CLN5: variants seen among roughly 807,000 people sequenced by gnomAD.
The protein encoded by CLN5 is bis(monoacylglycero)phosphate synthase CLN5.
Under a neutral mutation model 36.7 loss-of-function variants are expected in CLN5, and 34 were observed. That is an observed-to-expected ratio of 0.93 (90% CI 0.71 to 1.23). The LOEUF is 1.23. CLN5 is among the 50% of genes most tolerant of loss of function. The pLI is 0.00. For synonymous variants in CLN5, 151 were observed against 155.1 expected, an observed-to-expected ratio of 0.97 and a Z score of 0.20; for missense variants, 427 against 439.4, an observed-to-expected ratio of 0.97 and a Z score of 0.25.
intron 3 of CLN5, 193 bp downstream of exon 3, chr13:76,996,320 G>A: frequency 1.7e-6 from 1 of 573,288 alleles, no homozygotes; most frequent in East Asian, 3.0e-5. Context: ...TATTTGAATA[G>A]GTTTGTGGGG....
rs546110636 is a variant in CLN5 at position 76,992,787 on chromosome 13, C to T, written c.173+516C>T. The T allele has an allele frequency of 1.8e-4, 28 of 158,696 alleles. 1 individual carries two copies. The highest frequency in any genetic ancestry group is 1.6e-3 in the Admixed American group (26 of 15,918). The allele number at this position is 158,696 out of a possible 1,614,324, so 9.8% of individuals were successfully genotyped here. A position where few individuals can be genotyped will look rare whatever the true frequency, so the allele number is the denominator to read the frequency against. Reference sequence around the variant, plus strand: ...AAAAGTCGCGCATCCCGGGAATCCCCGTCTCCTGCAGTCCTGGTTAGACCG... The same window carrying T: ...AAAAGTCGCGCATCCCGGGAATCCCTGTCTCCTGCAGTCCTGGTTAGACCG... On this transcript the variant is annotated intron_variant, in intron 1 of 3. Coordinates refer to ENST00000377453, the MANE Select transcript of CLN5 (RefSeq NM_006493.4).
chr13:77,000,698 TG>T lies in CLN5; in HGVS notation c.809del (p.Gly270GlufsTer17). On this transcript the variant is annotated frameshift_variant, in exon 4 of 4. Transcript: ENST00000377453. LOFTEE classifies it high-confidence loss of function. ...IFLYSGEPTYLGNETSVFGPT... is the reference protein window; with the variant it reads ...IFLYSGEPTYXGNETSVFGPT... ...CTTTACAGTGGAGAACCTACTTATC[TG>T]GGAAATGAAACATCTGTTTTTGGGC... The T allele has an allele frequency of 6.2e-7, 1 of 1,613,940 alleles. No homozygotes were observed. Among genetic ancestry groups the T allele is most frequent in the Non-Finnish European group, 8.5e-7 (1 of 1,179,824 alleles).
At chr13:76,996,813 AC>A (rs1412672246) in intron 3 of CLN5, 1 of 152,354 alleles carries the variant, frequency 6.6e-6, no homozygotes, top group African/African-American at 2.4e-5. Flanking sequence ...TTGGGTAGAT[AC>A]CCAGTACTGG....
rs1481261656 is a variant in CLN5 at position 77,001,098 on chromosome 13, T to C, written c.*129T>C. 1.7e-5 allele frequency: 13 copies of C among 769,392 alleles called. No individual in the cohort carries two copies. The highest frequency in any genetic ancestry group is 2.1e-5 in the Non-Finnish European group (10 of 478,126). The allele number at this position is 769,392 out of a possible 1,614,324, so 47.7% of individuals were successfully genotyped here. A position where few individuals can be genotyped will look rare whatever the true frequency, so the allele number is the denominator to read the frequency against. ...AAAGTTAAAATGCACATCAGCAGAA[T>C]TGCTGCATATTAACATCTCAGGACT... On this transcript the variant is annotated 3_prime_UTR_variant, in exon 4 of 4. Transcript: ENST00000377453.
rs1409013015 is a variant in CLN5 at position 77,000,818 on chromosome 13, T to C, written c.926T>C (p.Leu309Ser). The change falls in exon 4 of 4, where the codon TTG becomes TCG. Residue 309 changes from leucine to serine, a missense_variant. Leu to Ser is a moderately radical substitution (Grantham distance 145, BLOSUM62 -2). Transcript: ENST00000377453. ...LPTKEFLLSL[L>S]QIFDAVIVHK... is the part of the protein sequence containing the mutation. ...ACTAAAGAATTTCTGTTGAGTCTCT[T>C]GCAAATTTTTGATGCAGTGATTGTG... The C allele has an allele frequency of 3.1e-6, 5 of 1,609,708 alleles. No homozygotes were observed. The highest frequency in any genetic ancestry group is 4.2e-6 in the Non-Finnish European group (5 of 1,178,422).
chr13:76,992,444 G>C, intron 1 of CLN5, 173 bp downstream of exon 1: 1 of 723,132 alleles, frequency 1.4e-6, no homozygotes, highest in Non-Finnish European at 2.2e-6. Context: ...GAGGACTGGG[G>C]AGTCGCAGCC....
Position 76,995,237 on chromosome 13 carries a change from G to A in CLN5, c.339+9G>A, listed in dbSNP as rs1235621060. 1.2e-6 allele frequency: 2 copies of A among 1,613,214 alleles called. No individual in the cohort carries two copies. The highest frequency in any genetic ancestry group is 1.1e-5 in the South Asian group (1 of 91,050). ...ACCTCCTGGGACACTTGGTAAGGATGCATCTTGGTCTTATAACTTTGGTTA... is the reference window on the plus strand; with the variant it reads ...ACCTCCTGGGACACTTGGTAAGGATACATCTTGGTCTTATAACTTTGGTTA... On this transcript the variant is annotated intron_variant, in intron 2 of 3. Coordinates refer to ENST00000377453, the MANE Select transcript of CLN5 (RefSeq NM_006493.4).
In CLN5 at chr13:76,995,247, C is replaced by A; in HGVS notation, c.339+19C>A. 6.2e-7 allele frequency: 1 copy of A among 1,611,406 alleles called. No homozygotes were observed. The highest frequency in any genetic ancestry group is 1.1e-5 in the South Asian group (1 of 90,986). On this transcript the variant is annotated intron_variant, in intron 2 of 3. Transcript: ENST00000377453. ...ACACTTGGTAAGGATGCATCTTGGTCTTATAACTTTGGTTAATTCAATGAT... is the reference window on the plus strand; with the variant it reads ...ACACTTGGTAAGGATGCATCTTGGTATTATAACTTTGGTTAATTCAATGAT...
rs2034373895 is a variant in CLN5 at position 77,002,117 on chromosome 13, A to G, written c.*1148A>G. The G allele has an allele frequency of 6.6e-6, 1 of 152,234 alleles. No homozygotes were observed. The highest frequency in any genetic ancestry group is 1.5e-5 in the Non-Finnish European group (1 of 68,048). The allele number at this position is 152,234 out of a possible 1,614,324, so 9.4% of individuals were successfully genotyped here. A position where few individuals can be genotyped will look rare whatever the true frequency, so the allele number is the denominator to read the frequency against. ...ATATCAGATAAAACAATTCACGTTT[A>G]ATATGTAAATGTACCAATTATGTGA... On this transcript the variant is annotated 3_prime_UTR_variant, in exon 4 of 4. Transcript: ENST00000377453.
chr13:76,999,606 T>A (rs2034324706), intron 3 of CLN5: 1 of 152,226 alleles, frequency 6.6e-6, no homozygotes, highest in Non-Finnish European at 1.5e-5. Flanking sequence ...ATAACAGTAA[T>A]AGCCAGCCTT....
intron 3 of CLN5, chr13:76,996,467 C>T (rs1254583144): frequency 2.6e-5 from 7 of 272,104 alleles, no homozygotes; most frequent in Middle Eastern, 1.4e-3. Context: ...CCCTTTTCCC[C>T]GACTTCCCAA....
chr13:77,001,093 CAG>C lies in CLN5; in HGVS notation c.*126_*127del. 1.2e-6 allele frequency: 1 copy of C among 815,060 alleles called. No homozygotes were observed. Among genetic ancestry groups the C allele is most frequent in the Non-Finnish European group, 1.9e-6 (1 of 514,228 alleles). 50.5% of individuals were successfully genotyped at this position (815,060 alleles called of 1,614,324 possible). A position where few individuals can be genotyped will look rare whatever the true frequency, so the allele number is the denominator to read the frequency against. ...TGCATAAAGTTAAAATGCACATCAG[CAG>C]AATTGCTGCATATTAACATCTCAGG... On this transcript the variant is annotated 3_prime_UTR_variant, in exon 4 of 4. Coordinates refer to ENST00000377453, the MANE Select transcript of CLN5 (RefSeq NM_006493.4).
chr13:77,000,667 A>G lies in CLN5; in HGVS notation c.775A>G (p.Ile259Val), dbSNP rs794727641. The G allele has an allele frequency of 6.2e-7, 1 of 1,614,122 alleles. No individual in the cohort carries two copies. Among genetic ancestry groups the G allele is most frequent in the Non-Finnish European group, 8.5e-7 (1 of 1,179,990 alleles). The change falls in exon 4 of 4, where the codon ATA becomes GTA. Residue 259 changes from isoleucine (I) to valine (V), a missense_variant. Coordinates refer to ENST00000377453, the MANE Select transcript of CLN5 (RefSeq NM_006493.4). ...FKNIETNYTR[I>V]FLYSGEPTYL... ...GAACATAGAAACCAACTATACAAGA[A>G]TATTTCTTTACAGTGGAGAACCTAC...
At chr13:76,997,973 T>C (rs1295011794) in intron 3 of CLN5, 3 of 152,270 alleles carry the variant, frequency 2.0e-5, no homozygotes, top group Non-Finnish European at 4.4e-5. Context: ...TTCTGAGTAC[T>C]GTACATACAT....
chr13:76,995,048 CT>C lies in CLN5; in HGVS notation c.174-10del. 1 of 1,612,148 alleles carries C rather than the reference CT, an allele frequency of 6.2e-7. No individual in the cohort carries two copies. Among genetic ancestry groups the C allele is most frequent in the Non-Finnish European group, 8.5e-7 (1 of 1,179,238 alleles). On this transcript the variant is annotated splice_polypyrimidine_tract_variant and intron_variant, in intron 1 of 3. Transcript: ENST00000377453. Reference sequence around the variant, plus strand: ...ATTTTAGAATCTAAGTAGATGGTTTCTTTTTCTTTATTAGGCGCTTTGACTT... The same window carrying C: ...ATTTTAGAATCTAAGTAGATGGTTTCTTTTCTTTATTAGGCGCTTTGACTT...
intron 1 of CLN5, chr13:76,993,522 G>A (rs2034214905): frequency 6.6e-6 from 1 of 152,128 alleles, no homozygotes; most frequent in Non-Finnish European, 1.5e-5. Context: ...TTAGGGCAAG[G>A]TGTTGACTAT....
rs574721188 is a variant in CLN5 at position 77,001,327 on chromosome 13, A to T, written c.*358A>T. On this transcript the variant is annotated 3_prime_UTR_variant, in exon 4 of 4. Coordinates refer to ENST00000377453, the MANE Select transcript of CLN5 (RefSeq NM_006493.4). ...ACCTTCAAAAATAAAAAATACATTC[A>T]GTGACATTTTCATGGTGGGAGCTCT... 1 of 165,634 alleles carries T rather than the reference A, an allele frequency of 6.0e-6. No individual in the cohort carries two copies. Among genetic ancestry groups the T allele is most frequent in the Non-Finnish European group, 1.3e-5 (1 of 77,242 alleles). The allele number at this position is 165,634 out of a possible 1,614,324, so 10.3% of individuals were successfully genotyped here.
In CLN5 at chr13:76,995,094, TATTGTCA is replaced by T. The variant is rs2034242246; in HGVS notation, c.207_213del (p.Tyr69Ter). ...TGACTTCCGTCCAAAACCTGATCCT[TATTGTCA>T]AGCTAAGTATACTTTCTGTCCAACT... On this transcript the variant is annotated frameshift_variant, in exon 2 of 4. Coordinates refer to ENST00000377453, the MANE Select transcript of CLN5 (RefSeq NM_006493.4). LOFTEE classifies it high-confidence loss of function. The T allele has an allele frequency of 6.2e-7, 1 of 1,614,008 alleles. No homozygotes were observed. The highest frequency in any genetic ancestry group is 8.5e-7 in the Non-Finnish European group (1 of 1,180,016).
rs1242337070 is a variant in CLN5, at chr13:76,992,181, G to T, written c.83G>T (p.Trp28Leu). The change falls in exon 1 of 4, where the codon TGG becomes TTG. Residue 28 changes from tryptophan (W) to leucine (L), a missense_variant. Physicochemically the swap from Trp to Leu is moderately conservative, Grantham distance 61. Coordinates refer to ENST00000377453, the MANE Select transcript of CLN5 (RefSeq NM_006493.4). Reference sequence around the variant, plus strand: ...GCTCGGGGACGCGCTTCCTGGTGCTGGGCCCTGGCGCTGCTTTGGCTCGCG... The same window carrying T: ...GCTCGGGGACGCGCTTCCTGGTGCTTGGCCCTGGCGCTGCTTTGGCTCGCG... ...GAARGRASWC[W>L]ALALLWLAVV... The T allele has an allele frequency of 6.2e-7, 1 of 1,605,676 alleles. No homozygotes were observed. The highest frequency in any genetic ancestry group is 8.5e-7 in the Non-Finnish European group (1 of 1,178,114).
Sources: gnomAD v4.1 joint callset for allele counts on GRCh38, gnomAD v4.1.1 for gene constraint, MANE v1.5 for transcripts, NCBI Gene and HGNC (gene_info 2026-07-23, HGNC 2026-07-21) for gene names.